Variants in CAMK1D observed in about 807,000 individuals in gnomAD.
CAMK1D encodes the protein calcium/calmodulin-dependent protein kinase type 1D.
Under a neutral mutation model 47.7 loss-of-function variants are expected in CAMK1D, and 9 were observed. The observed-to-expected ratio is 0.19, with a 90% CI of 0.11 to 0.33. CAMK1D has a LOEUF of 0.33. CAMK1D is among the 10% of genes least tolerant of loss of function. The pLI is 1.00. For missense variants in CAMK1D, 291 were observed against 488.7 expected (o/e 0.60, Z 3.81); for synonymous variants, 184 against 184.9 (o/e 0.99, Z 0.04).
At chr10:12,532,910 A>C (rs1835854954) in intron 1 of CAMK1D, among the ~76,000 whole-genome samples, 1 of 131,004 alleles carries the variant, frequency 7.6e-6, no homozygotes. Flanking sequence ...GAACTCACGG[A>C]GATAGAGAGT....
At position 12,831,172 on chromosome 10, in the gene CAMK1D, C is replaced by T. The variant is rs1438096881; in HGVS notation, c.*2285C>T. On this transcript the variant is annotated 3_prime_UTR_variant, in exon 11 of 11. Coordinates refer to ENST00000619168, the MANE Select transcript of CAMK1D (RefSeq NM_153498.4). ...GCTGTCACTCTGCAAAATCTAAAAACCCTGGAAAGGTCTATAAGATGACAT... is the reference window on the plus strand; with the variant it reads ...GCTGTCACTCTGCAAAATCTAAAAATCCTGGAAAGGTCTATAAGATGACAT... The T allele has an allele frequency of 6.6e-6, 1 of 152,170 alleles. No individual in the cohort carries two copies. The highest frequency in any genetic ancestry group is 2.4e-5 in the African/African-American group (1 of 41,446). The allele number at this position is 152,170 out of a possible 1,614,324, so 9.4% of individuals were successfully genotyped here. A position where few individuals can be genotyped will look rare whatever the true frequency, so the allele number is the denominator to read the frequency against.
chr10:12,702,780 G>C (rs1243904187), intron 3 of CAMK1D, among the ~76,000 whole-genome samples: 1 of 152,216 alleles, frequency 6.6e-6, no homozygotes, highest in Non-Finnish European at 1.5e-5. Flanking sequence ...AGGTAAAGAA[G>C]ATGCGTAGCA....
chr10:12,696,635 A>G (rs1253474727), intron 3 of CAMK1D, among the ~76,000 whole-genome samples: 1 of 152,244 alleles, frequency 6.6e-6, no homozygotes, highest in Non-Finnish European at 1.5e-5. Context: ...CATGTTCAAC[A>G]GTAATTGTAT....
chr10:12,773,301 C>G (rs1041723272), intron 5 of CAMK1D, among the ~76,000 whole-genome samples: 2 of 152,150 alleles, frequency 1.3e-5, no homozygotes, highest in African/African-American at 4.8e-5. Flanking sequence ...CCCATGGTAT[C>G]CACAGGGGCT....
At chr10:12,615,392 C>A (rs151077565) in intron 2 of CAMK1D, among the ~76,000 whole-genome samples, 126 of 152,248 alleles carry the variant, frequency 8.3e-4, no homozygotes, top group Middle Eastern at 3.4e-3. Context: ...TGTTCAAATT[C>A]TTTGCCCTTC....
chr10:12,460,799 T>A (rs1247294160), intron 1 of CAMK1D, among the ~76,000 whole-genome samples: 4 of 151,982 alleles, frequency 2.6e-5, no homozygotes, highest in African/African-American at 9.7e-5. Context: ...ACTCCTGACT[T>A]CAAGTAATCC....
intron 2 of CAMK1D, among the ~76,000 whole-genome samples, chr10:12,584,106 C>T (rs952983976): frequency 1.4e-4 from 21 of 152,098 alleles, no homozygotes; most frequent in African/African-American, 4.8e-4. Context: ...TTGATTATCC[C>T]AGGTTCTGGT....
chr10:12,788,766 C>T (rs1392823631), intron 5 of CAMK1D, among the ~76,000 whole-genome samples: 8 of 152,224 alleles, frequency 5.3e-5, no homozygotes, highest in Admixed American at 1.3e-4. Context: ...TCGGGGCGGA[C>T]GAGTCAGCTA....
chr10:12,521,018 A>G (rs2132190863), intron 1 of CAMK1D, among the ~76,000 whole-genome samples: 1 of 149,656 alleles, frequency 6.7e-6, no homozygotes, highest in South Asian at 2.1e-4. Flanking sequence ...CTCTTTTTAA[A>G]ATCAGCTTGG....
At chr10:12,498,156 T>G (rs1834597316) in intron 1 of CAMK1D, among the ~76,000 whole-genome samples, 1 of 152,084 alleles carries the variant, frequency 6.6e-6, no homozygotes, top group Non-Finnish European at 1.5e-5. Flanking sequence ...CAAGATGAGA[T>G]TTGGGTGGGG....
chr10:12,565,392 T>G (rs917679623), intron 2 of CAMK1D, among the ~76,000 whole-genome samples: 4 of 152,306 alleles, frequency 2.6e-5, no homozygotes, highest in African/African-American at 9.6e-5. Flanking sequence ...TAGCTGGGTT[T>G]ACAGGTGCCT....
At chr10:12,628,110 A>T (rs890755490) in intron 2 of CAMK1D, among the ~76,000 whole-genome samples, 1 of 152,076 alleles carries the variant, frequency 6.6e-6, no homozygotes, top group Non-Finnish European at 1.5e-5. Context: ...AAAACAAAAC[A>T]AAACTGAGTT....
intron 3 of CAMK1D, among the ~76,000 whole-genome samples, chr10:12,693,078 G>T (rs1832993501): frequency 6.6e-6 from 1 of 152,084 alleles, no homozygotes; most frequent in Non-Finnish European, 1.5e-5. Flanking sequence ...TAAGAGCAAA[G>T]ACTAGCTGGG....
At chr10:12,626,475 C>CTT (rs35033817) in intron 2 of CAMK1D, among the ~76,000 whole-genome samples, 131 of 136,284 alleles carry the variant, frequency 9.6e-4, no homozygotes, top group East Asian at 2.3e-3. Flanking sequence ...TTCTTTCTTT[C>CTT]TTTTTTTTTT....
At chr10:12,532,353 C>T (rs1400738123) in intron 1 of CAMK1D, among the ~76,000 whole-genome samples, 1 of 150,864 alleles carries the variant, frequency 6.6e-6, no homozygotes, top group Non-Finnish European at 1.5e-5. Flanking sequence ...GATCTCGGCT[C>T]ACTGCAAGCT....
intron 1 of CAMK1D, among the ~76,000 whole-genome samples, chr10:12,516,781 A>G (rs974575891): frequency 1.2e-4 from 19 of 152,188 alleles, no homozygotes; most frequent in Admixed American, 5.2e-4. Flanking sequence ...TGCCATCTGT[A>G]TATCTTTAAT....
intron 2 of CAMK1D, among the ~76,000 whole-genome samples, chr10:12,641,898 A>G (rs1839676485): frequency 6.6e-6 from 1 of 152,074 alleles, no homozygotes; most frequent in Non-Finnish European, 1.5e-5. Flanking sequence ...TACAAAAATT[A>G]GCAGGGCGTG....
At chr10:12,668,113 A>G (rs1169019089) in intron 3 of CAMK1D, among the ~76,000 whole-genome samples, 4 of 151,966 alleles carry the variant, frequency 2.6e-5, no homozygotes, top group Non-Finnish European at 5.9e-5. Context: ...TTTGCGTTAC[A>G]CTTTGCCGTA....
chr10:12,830,062 A>G lies in CAMK1D; in HGVS notation c.*1175A>G, dbSNP rs1833392080. 6.6e-6 allele frequency: 1 copy of G among 152,134 alleles called. No homozygotes were observed. Among genetic ancestry groups the G allele is most frequent in the African/African-American group, 2.4e-5 (1 of 41,428 alleles). The allele number at this position is 152,134 out of a possible 1,614,324, so 9.4% of individuals were successfully genotyped here. On this transcript the variant is annotated 3_prime_UTR_variant, in exon 11 of 11. Coordinates refer to ENST00000619168, the MANE Select transcript of CAMK1D (RefSeq NM_153498.4). ...TGAGATGCCCACACTGCAGAGATGCAGGACCCTCCCTTGCAAAAGGAACCA... is the reference window on the plus strand; with the variant it reads ...TGAGATGCCCACACTGCAGAGATGCGGGACCCTCCCTTGCAAAAGGAACCA...
Sources: allele counts gnomAD v4.1 joint callset (sites outside exome capture counted in the v4.1 genomes callset), GRCh38; gene constraint gnomAD v4.1.1; transcripts MANE v1.5; gene names NCBI Gene and HGNC (gene_info 2026-07-23, HGNC 2026-07-21).